The following DYRK1A variants were observed in gnomAD, a reference collection of about 807,000 sequenced individuals.
The protein encoded by DYRK1A is dual specificity tyrosine-phosphorylation-regulated kinase 1A.
Under a neutral mutation model 79.7 loss-of-function variants are expected in DYRK1A, and 9 were observed. The observed-to-expected ratio is 0.11, with a 90% CI of 0.07 to 0.20. DYRK1A has a LOEUF of 0.20. Among genes scored for constraint, DYRK1A ranks in the 10% least tolerant of loss-of-function variants. The pLI is 1.00. For synonymous variants in DYRK1A, 349 were observed against 329.7 expected, an observed-to-expected ratio of 1.06 and a Z score of -0.63; for missense variants, 622 against 956.0, an observed-to-expected ratio of 0.65 and a Z score of 4.61.
At chr21:37,405,843 C>G (rs143898538) in intron 1 of DYRK1A, among the ~76,000 whole-genome samples, 1 of 152,146 alleles carries the variant, frequency 6.6e-6, no homozygotes, top group Non-Finnish European at 1.5e-5. Flanking sequence ...AAGCCTCACT[C>G]TACATCTTCA....
Position 37,517,450 on chromosome 21 carries a change from A to G in DYRK1A, c.*4919A>G, listed in dbSNP as rs2236688. The G allele has an allele frequency of 0.31, 47,285 of 152,132 alleles. 7,460 individuals carry two copies. Among genetic ancestry groups the G allele is most frequent in the South Asian group, 0.39 (1,866 of 4,822 alleles). 9.4% of individuals were successfully genotyped at this position (152,132 alleles called of 1,614,324 possible). A position where few individuals can be genotyped will look rare whatever the true frequency, so the allele number is the denominator to read the frequency against. ...TCCCGATTAAATTTCTAAAATTGCT[A>G]CTTTGGGAATTTTTTTCTTTATTCT... On this transcript the variant is annotated 3_prime_UTR_variant, in exon 12 of 12. Transcript: ENST00000647188.
At chr21:37,436,243 A>G (rs1022852064) in intron 2 of DYRK1A, among the ~76,000 whole-genome samples, 2 of 152,204 alleles carry the variant, frequency 1.3e-5, no homozygotes, top group African/African-American at 4.8e-5. Context: ...TCAAACAGCT[A>G]GAGAGTAATA....
intron 1 of DYRK1A, among the ~76,000 whole-genome samples, chr21:37,404,168 TAAAC>T (rs572914985): frequency 6.6e-6 from 1 of 152,090 alleles, no homozygotes; most frequent in African/African-American, 2.4e-5. Context: ...CATAAGTAAA[TAAAC>T]AAATATAAAT....
chr21:37,410,159 A>G (rs2050217170), intron 1 of DYRK1A, among the ~76,000 whole-genome samples: 1 of 152,222 alleles, frequency 6.6e-6, no homozygotes, highest in African/African-American at 2.4e-5. Flanking sequence ...AAATTGAGAA[A>G]GCATGATATT....
At position 37,479,606 on chromosome 21, in the gene DYRK1A, G is replaced by GTTTTTTTTTTTTTTTTTTTTTTTTTT. The variant is rs1183029117; in HGVS notation, c.301-1027_301-1026insTTTTTTTTTTTTTTTTTTTTTTTTTT. The stretch of plus-strand genomic sequence containing the variant: ...GTGTTGGTGTTTTGTTTTTGTTTTT[G>GTTTTTTTTTTTTTTTTTTTTTTTTTT]TTTTTGTTTTTTGTTTTTTTTTTTT... On this transcript the variant is annotated intron_variant, in intron 4 of 11. Transcript: ENST00000647188. 2.1e-3 allele frequency among the ~76,000 whole-genome samples: 59 copies of GTTTTTTTTTTTTTTTTTTTTTTTTTT among 27,594 alleles called. 8 individuals carry two copies. Among genetic ancestry groups the GTTTTTTTTTTTTTTTTTTTTTTTTTT allele is most frequent in the East Asian group, 5.7e-3 (5 of 880 alleles). The allele number at this position is 27,594 out of a possible 152,430, so 18.1% of individuals were successfully genotyped here.
chr21:37,371,176 A>T (rs546908645), intron 1 of DYRK1A, among the ~76,000 whole-genome samples: 2 of 152,240 alleles, frequency 1.3e-5, no homozygotes, highest in African/African-American at 4.8e-5. Flanking sequence ...TGTCAGTGCT[A>T]CAATTTTAAG....
Position 37,446,292 on chromosome 21 carries a change from G to A in DYRK1A, c.10+25908G>A, listed in dbSNP as rs144050203. 1.8e-4 allele frequency among the ~76,000 whole-genome samples: 28 copies of A among 152,220 alleles called. No homozygotes were observed. In the East Asian group the frequency reaches 5.0e-3, roughly 27 times the overall value. On this transcript the variant is annotated intron_variant, in intron 2 of 11. Coordinates refer to ENST00000647188, the MANE Select transcript of DYRK1A (RefSeq NM_001347721.2). ...CCATCTCCTAAGAAGTATTAGCTCT[G>A]AAAACATATTTGCTTTTTTTCTAGA...
chr21:37,480,872 C>T, intron 5 of DYRK1A, 46 bp downstream of exon 5: 1 of 1,469,308 alleles, frequency 6.8e-7, no homozygotes. Flanking sequence ...GAAAGAACTT[C>T]TTAGTGAATC....
intron 2 of DYRK1A, among the ~76,000 whole-genome samples, chr21:37,438,039 C>T (rs747036088): frequency 6.6e-6 from 1 of 152,134 alleles, no homozygotes; most frequent in Non-Finnish European, 1.5e-5. Flanking sequence ...TTTAGCCATT[C>T]TAATACTTGG....
chr21:37,383,412 A>G (rs1261730189), intron 1 of DYRK1A, among the ~76,000 whole-genome samples: 2 of 152,182 alleles, frequency 1.3e-5, no homozygotes, highest in South Asian at 4.1e-4. Flanking sequence ...TGCCTAATAC[A>G]CTTTAATAAC....
At chr21:37,409,161 G>C (rs114949145) in intron 1 of DYRK1A, among the ~76,000 whole-genome samples, 1,581 of 152,294 alleles carry the variant, frequency 0.01, 12 homozygotes, top group Middle Eastern at 0.041. Context: ...CTGGAGTGTA[G>C]ATGTGTACTA....
At chr21:37,389,728 T>C (rs1007348359) in intron 1 of DYRK1A, among the ~76,000 whole-genome samples, 1 of 151,392 alleles carries the variant, frequency 6.6e-6, no homozygotes, top group African/African-American at 2.4e-5. Context: ...CGCTGGAGGC[T>C]TAGTAGGCGG....
intron 1 of DYRK1A, among the ~76,000 whole-genome samples, chr21:37,398,904 C>CTTT (rs75261593): frequency 1.5e-5 from 2 of 137,080 alleles, no homozygotes; most frequent in African/African-American, 5.4e-5. Context: ...GGAGGAGAAA[C>CTTT]TTTTTTTTTT....
chr21:37,495,194 GTGTGTGT>G (rs1337625790), intron 8 of DYRK1A, among the ~76,000 whole-genome samples: 8 of 125,608 alleles, frequency 6.4e-5, no homozygotes, highest in African/African-American at 2.3e-4. Flanking sequence ...GTGTGTGTGT[GTGTGTGT>G]GGTTATTTAA....
At chr21:37,481,512 C>T (rs1187464023) in intron 5 of DYRK1A, 1 of 152,328 alleles carries the variant, frequency 6.6e-6, no homozygotes, top group Non-Finnish European at 1.5e-5. Context: ...ATGCCTCAGT[C>T]TCCCGAGTAG....
chr21:37,419,519 C>T (rs779680520), intron 1 of DYRK1A: 3 of 152,154 alleles, frequency 2.0e-5, no homozygotes, highest in Non-Finnish European at 4.4e-5. Flanking sequence ...ACATATGCAA[C>T]ATTGTTCTAT....
rs1450456300 is a variant in DYRK1A at position 37,430,281 on chromosome 21, A to G, written c.10+9897A>G. ...ATTTTTGTCTTAGAATCTTCTGAAT[A>G]TTGAAAACAGAGAACTATACTGGAA... On this transcript the variant is annotated intron_variant, in intron 2 of 11. Coordinates refer to ENST00000647188, the MANE Select transcript of DYRK1A (RefSeq NM_001347721.2). The G allele has an allele frequency of 1.9e-5, 18 of 963,946 alleles. No homozygotes were observed. The South Asian group carries it at 2.4e-4, about 13-fold the overall frequency. 59.7% of individuals were successfully genotyped at this position (963,946 alleles called of 1,614,324 possible).
rs145899878 is a variant in DYRK1A, at chr21:37,442,472, C to T, written c.10+22088C>T. On this transcript the variant is annotated intron_variant, in intron 2 of 11. Transcript: ENST00000647188. The stretch of plus-strand genomic sequence containing the variant: ...TCTGAGGTAGTTTTTATTGCTGTGT[C>T]TTCAAGGTCACTAGTCCTTTTTTCT... Among the ~76,000 whole-genome samples, 1,294 of 152,250 alleles carry T rather than the reference C, an allele frequency of 8.5e-3. 6 individuals are homozygous for T. Among genetic ancestry groups the T allele is most frequent in the Non-Finnish European group, 0.014 (919 of 68,014 alleles).
At chr21:37,467,796 T>C (rs181361394) in intron 2 of DYRK1A, among the ~76,000 whole-genome samples, 2 of 152,252 alleles carry the variant, frequency 1.3e-5, no homozygotes, top group East Asian at 3.9e-4. Flanking sequence ...ATTTCCAAGA[T>C]TGAGAATATG....
Sources: allele counts gnomAD v4.1 joint callset (sites outside exome capture counted in the v4.1 genomes callset), GRCh38; gene constraint gnomAD v4.1.1; transcripts MANE v1.5; gene names NCBI Gene and HGNC (gene_info 2026-07-23, HGNC 2026-07-21).